INTS4: variants seen among roughly 807,000 people sequenced by gnomAD.
INTS4 encodes the protein MSTP093.
In INTS4, 70 loss-of-function variants were observed where a neutral mutation model predicts 119.5. That is an observed-to-expected ratio of 0.59 (90% confidence interval 0.48 to 0.71). The LOEUF is 0.71. Ranked by LOEUF, INTS4 falls within the 30% of genes least tolerant of loss-of-function variation. The probability of loss-of-function intolerance (pLI) is 0.00; values close to 1 mark genes in which losing one functional copy is unlikely to be tolerated. For synonymous variants in INTS4, 316 were observed against 419.6 expected (o/e 0.75, Z 3.02); for missense variants, 867 against 1,173.2 (o/e 0.74, Z 3.81).
intron 22 of INTS4, 70 bp from the exon 23 acceptor site, chr11:77,879,197 A>C (rs1951696815): frequency 6.5e-7 from 1 of 1,542,586 alleles, no homozygotes; most frequent in Admixed American, 1.8e-5. Context: ...ATGTGAAGTT[A>C]AAGAAATATC....
intron 8 of INTS4, among the ~76,000 whole-genome samples, chr11:77,948,795 A>G (rs1195327570): frequency 2.6e-5 from 4 of 151,810 alleles, no homozygotes; most frequent in East Asian, 1.9e-4. Flanking sequence ...AAGAAAGAAA[A>G]AAAAAAAAAG....
At chr11:77,900,547 G>A in intron 18 of INTS4, 1 of 667,088 alleles carries the variant, frequency 1.5e-6, no homozygotes, top group South Asian at 1.7e-5. Flanking sequence ...ATATCTCTAT[G>A]GCACTTTTTT....
Position 77,994,590 on chromosome 11 carries a change from C to G in INTS4, c.54G>C (p.Gln18His), listed in dbSNP as rs780085574. The G allele has an allele frequency of 6.2e-7, 1 of 1,611,966 alleles. No individual in the cohort carries two copies. The highest frequency in any genetic ancestry group is 1.1e-5 in the South Asian group (1 of 91,034). Residue 18 changes from glutamine (Q) to histidine (H), a missense_variant and splice_region_variant, in exon 1 of 23, where the codon CAG becomes CAC. By Grantham distance (24) the Gln-to-His change is conservative (BLOSUM62 0). Coordinates refer to ENST00000534064, the MANE Select transcript of INTS4 (RefSeq NM_033547.4). ...RVYEEFTKVV[Q>H]PQEEIATKKL... ...CTGGATCTTTCCCGCCAGAGCTTAC[C>G]TGAACCACTTTCGTGAATTCCTCAT...
chr11:77,901,405 C>A lies in INTS4; in HGVS notation c.2228+16G>T. On this transcript the variant is annotated intron_variant, in intron 18 of 22. Transcript: ENST00000534064. ...AAAGGAACATGCCACATATTTTGGCCAACCCCACATCTTACCCTCGTGTAG... is the reference window on the plus strand; with the variant it reads ...AAAGGAACATGCCACATATTTTGGCAAACCCCACATCTTACCCTCGTGTAG... The A allele has an allele frequency of 2.5e-6, 4 of 1,613,770 alleles. No individual in the cohort carries two copies. Among genetic ancestry groups the A allele is most frequent in the Non-Finnish European group, 3.4e-6 (4 of 1,179,760 alleles).
chr11:77,899,824 T>C (rs1445662298), intron 18 of INTS4, among the ~76,000 whole-genome samples: 2 of 152,100 alleles, frequency 1.3e-5, no homozygotes, highest in African/African-American at 4.8e-5. Flanking sequence ...ATGATCCCCT[T>C]TATGTTATTG....
chr11:77,875,676 A>G (rs1951575009), downstream of INTS4, among the ~76,000 whole-genome samples: 2 of 152,326 alleles, frequency 1.3e-5, no homozygotes, highest in East Asian at 3.9e-4. Flanking sequence ...AATAAATACT[A>G]TACTATGTGT....
chr11:77,960,243 G>C, intron 6 of INTS4, 98 bp downstream of exon 6: 1 of 783,106 alleles, frequency 1.3e-6, no homozygotes, highest in South Asian at 1.7e-5. Flanking sequence ...CTATTAACTA[G>C]CGAAGTCCTT....
intron 15 of INTS4, chr11:77,911,100 G>A (rs756451936): frequency 5.8e-5 from 74 of 1,279,432 alleles, no homozygotes; most frequent in Non-Finnish European, 7.0e-5. Context: ...GGCAGGTAAC[G>A]TTACGATAGT....
intron 1 of INTS4, among the ~76,000 whole-genome samples, chr11:77,993,873 T>G (rs1434262860): frequency 1.3e-5 from 2 of 152,040 alleles, no homozygotes; most frequent in Non-Finnish European, 2.9e-5. Flanking sequence ...CCCAGGTAAT[T>G]TGTATACACA....
chr11:77,925,610 G>A (rs1184080434), intron 11 of INTS4, among the ~76,000 whole-genome samples: 2 of 152,226 alleles, frequency 1.3e-5, no homozygotes, highest in African/African-American at 2.4e-5. Flanking sequence ...AATATTAAAA[G>A]AGAGGCAAAT....
In INTS4 at chr11:77,883,813, C is replaced by T. The variant is rs1175310214; in HGVS notation, c.2713+19G>A. 6.8e-6 allele frequency: 11 copies of T among 1,611,436 alleles called. No homozygotes were observed. Among genetic ancestry groups the T allele is most frequent in the Non-Finnish European group, 9.3e-6 (11 of 1,178,642 alleles). On this transcript the variant is annotated intron_variant, in intron 22 of 22. Transcript: ENST00000534064. ...TCCAGCAGCATATTTCCCTTCCCACCCTGGTCCTGACTCCTTACCTGTCCA... is the reference window on the plus strand; with the variant it reads ...TCCAGCAGCATATTTCCCTTCCCACTCTGGTCCTGACTCCTTACCTGTCCA...
intron 2 of INTS4, among the ~76,000 whole-genome samples, chr11:77,990,374 G>A (rs1412904300): frequency 3.9e-5 from 6 of 152,068 alleles, no homozygotes; most frequent in Non-Finnish European, 8.8e-5. Flanking sequence ...CTGGGTGACA[G>A]TGAGCCTCTG....
chr11:77,977,042 G>A (rs377112070), intron 4 of INTS4, among the ~76,000 whole-genome samples: 11 of 151,662 alleles, frequency 7.3e-5, no homozygotes, highest in South Asian at 2.1e-4. Context: ...TAACCTGCAC[G>A]TTGTGCACAT....
At chr11:77,930,686 A>G (rs1345363355) in intron 10 of INTS4, among the ~76,000 whole-genome samples, 1 of 152,152 alleles carries the variant, frequency 6.6e-6, no homozygotes, top group Admixed American at 6.5e-5. Context: ...AACTTTTTGG[A>G]ATGTTGAAGA....
At chr11:77,896,652 CAAAA>C (rs58549095) in intron 18 of INTS4, among the ~76,000 whole-genome samples, 3 of 70,704 alleles carry the variant, frequency 4.2e-5, no homozygotes, top group African/African-American at 4.5e-5. Context: ...AACTCCGTCT[CAAAA>C]AAAAAAAAAA....
At chr11:77,951,797 G>A (rs1954202432) in intron 8 of INTS4, among the ~76,000 whole-genome samples, 1 of 152,142 alleles carries the variant, frequency 6.6e-6, no homozygotes, top group Non-Finnish European at 1.5e-5. Flanking sequence ...AATCTACAAT[G>A]AACTCAAACA....
intron 18 of INTS4, among the ~76,000 whole-genome samples, chr11:77,897,302 T>G (rs1396330177): frequency 1.3e-5 from 2 of 151,616 alleles, no homozygotes; most frequent in Admixed American, 6.6e-5. Flanking sequence ...AAGACTGGCC[T>G]GGACAACGCA....
intron 12 of INTS4, 73 bp downstream of exon 12, chr11:77,924,677 C>T (rs541337962): frequency 3.2e-5 from 46 of 1,417,910 alleles, no homozygotes; most frequent in East Asian, 1.4e-4. Flanking sequence ...TCTATAAGGA[C>T]GGAACAAATG....
intron 2 of INTS4, among the ~76,000 whole-genome samples, chr11:77,990,163 G>A (rs182448148): frequency 4.7e-5 from 7 of 149,184 alleles, no homozygotes; most frequent in Admixed American, 3.4e-4. Flanking sequence ...AGGTTGCAGT[G>A]AGCCAAGATT....
Sources: gnomAD v4.1 joint callset for allele counts (sites outside exome capture counted in the v4.1 genomes callset) on GRCh38, gnomAD v4.1.1 for gene constraint, MANE v1.5 for transcripts, NCBI Gene and HGNC (gene_info 2026-07-23, HGNC 2026-07-21) for gene names.